PTPRM: variants seen among roughly 807,000 people sequenced by gnomAD.
The protein encoded by PTPRM is protein tyrosine phosphatase receptor type M.
PTPRM carries 47 observed loss-of-function variants against 186.7 expected under a neutral mutation model. That is an observed-to-expected ratio of 0.25 (90% CI 0.20 to 0.32). The LOEUF is 0.32. Ranked by LOEUF, PTPRM falls within the 10% of genes least tolerant of loss-of-function variation. PTPRM has a pLI of 1.00. For synonymous variants in PTPRM, 668 were observed against 674.9 expected, an observed-to-expected ratio of 0.99 and a Z score of 0.16; for missense variants, 1,494 against 1,865.0, an observed-to-expected ratio of 0.80 and a Z score of 3.66.
intron 2 of PTPRM, among the ~76,000 whole-genome samples, chr18:7,835,211 G>GTT (rs2045984780): frequency 6.8e-6 from 1 of 146,240 alleles, no homozygotes; most frequent in African/African-American, 2.5e-5. Flanking sequence ...TTTGTTGTAG[G>GTT]CACTTATAGC....
chr18:7,824,447 T>TG lies in PTPRM; in HGVS notation c.196+50176_196+50177insG, dbSNP rs530781546. ...TTTTCCTGTGTGTGTGTGTGTGTGT[T>TG]TTTTCCTCAGTAGCATTTTCTTTAT... On this transcript the variant is annotated intron_variant, in intron 2 of 32. Transcript: ENST00000580170. Among the ~76,000 whole-genome samples, 331 of 151,904 alleles carry TG rather than the reference T, an allele frequency of 2.2e-3. 2 individuals carry two copies. Among genetic ancestry groups the TG allele is most frequent in the Middle Eastern group, 0.01 (3 of 294 alleles).
At chr18:7,787,091 C>T (rs1376437013) in intron 2 of PTPRM, among the ~76,000 whole-genome samples, 1 of 152,210 alleles carries the variant, frequency 6.6e-6, no homozygotes, top group African/African-American at 2.4e-5. Flanking sequence ...AGAGGGCCCA[C>T]TTGATACAAT....
intron 20 of PTPRM, among the ~76,000 whole-genome samples, chr18:8,296,750 A>G (rs1001277472): frequency 1.3e-5 from 2 of 152,148 alleles, no homozygotes; most frequent in African/African-American, 4.8e-5. Flanking sequence ...TTATAGTCCT[A>G]ATGGTTCCCA....
intron 1 of PTPRM, among the ~76,000 whole-genome samples, chr18:7,678,097 T>C (rs963360214): frequency 6.6e-6 from 1 of 152,054 alleles, no homozygotes; most frequent in Non-Finnish European, 1.5e-5. Context: ...AAGGAAGGAC[T>C]TGACACTTAG....
intron 2 of PTPRM, among the ~76,000 whole-genome samples, chr18:7,795,011 C>T (rs2043544551): frequency 6.6e-6 from 1 of 152,166 alleles, no homozygotes; most frequent in Admixed American, 6.5e-5. Context: ...AAGCGAAGCT[C>T]ACATATATTT....
intron 32 of PTPRM, chr18:8,402,759 A>G (rs902326527): frequency 6.6e-6 from 1 of 152,214 alleles, no homozygotes; most frequent in African/African-American, 2.4e-5. Flanking sequence ...AAATAAAAGT[A>G]TCAAATCCTG....
intron 9 of PTPRM, among the ~76,000 whole-genome samples, chr18:8,081,392 G>GT (rs2090120307): frequency 6.6e-6 from 1 of 152,188 alleles, no homozygotes; most frequent in African/African-American, 2.4e-5. Context: ...CTGCAGCAAC[G>GT]TTTTTTACAG....
chr18:8,334,111 G>T (rs1376235865), intron 22 of PTPRM, among the ~76,000 whole-genome samples: 1 of 152,212 alleles, frequency 6.6e-6, no homozygotes, highest in Admixed American at 6.5e-5. Context: ...GAATGAATGA[G>T]ATCGTGCATA....
At chr18:7,660,981 G>GA (rs200628122) in intron 1 of PTPRM, among the ~76,000 whole-genome samples, 1,721 of 148,840 alleles carry the variant, frequency 0.012, 36 homozygotes, top group African/African-American at 0.04. Flanking sequence ...AAAAAAGAAA[G>GA]AAAAAAAAAG....
At chr18:7,964,593 G>A (rs975672996) in intron 7 of PTPRM, among the ~76,000 whole-genome samples, 3 of 152,112 alleles carry the variant, frequency 2.0e-5, no homozygotes, top group African/African-American at 4.8e-5. Context: ...TCCTAAGTAG[G>A]TTTACTATTA....
chr18:8,406,183 A>T lies in PTPRM; in HGVS notation c.*21A>T. The T allele has an allele frequency of 2.5e-6, 4 of 1,610,518 alleles. No homozygotes were observed. The highest frequency in any genetic ancestry group is 3.4e-6 in the Non-Finnish European group (4 of 1,177,072). ...GCTGATGGTGTAAACAGCTCTGCAA[A>T]CAATCCCTTTCATACCACAAAGCCA... On this transcript the variant is annotated 3_prime_UTR_variant, in exon 33 of 33. Transcript: ENST00000580170.
chr18:7,707,226 A>G (rs1048115806), intron 1 of PTPRM, among the ~76,000 whole-genome samples: 1 of 152,112 alleles, frequency 6.6e-6, no homozygotes, highest in Admixed American at 6.6e-5. Flanking sequence ...GAAGGGAGAA[A>G]AGTGTTTCAT....
intron 1 of PTPRM, among the ~76,000 whole-genome samples, chr18:7,750,845 A>G (rs1042542367): frequency 6.6e-6 from 1 of 152,162 alleles, no homozygotes; most frequent in South Asian, 2.1e-4. Flanking sequence ...AGAGTTGAGC[A>G]TCAAAGGCCA....
At chr18:7,715,045 A>G (rs750468236) in intron 1 of PTPRM, among the ~76,000 whole-genome samples, 90 of 152,326 alleles carry the variant, frequency 5.9e-4, no homozygotes, top group Non-Finnish European at 1.1e-3. Flanking sequence ...TCTGGCAGAG[A>G]CACAACCAAA....
At chr18:8,029,808 G>A (rs748267757) in intron 7 of PTPRM, among the ~76,000 whole-genome samples, 11 of 152,204 alleles carry the variant, frequency 7.2e-5, no homozygotes, top group Admixed American at 1.3e-4. Flanking sequence ...GCTAAATTGA[G>A]TGTTTTCCTC....
intron 11 of PTPRM, among the ~76,000 whole-genome samples, chr18:8,092,195 A>G (rs1416781400): frequency 6.6e-6 from 1 of 152,128 alleles, no homozygotes; most frequent in Non-Finnish European, 1.5e-5. Context: ...TTGAAATTGC[A>G]CTAAACTCTC....
intron 19 of PTPRM, among the ~76,000 whole-genome samples, chr18:8,285,211 C>T (rs2094943314): frequency 6.6e-6 from 1 of 152,178 alleles, no homozygotes; most frequent in Non-Finnish European, 1.5e-5. Context: ...ATACAGAAAG[C>T]AATCCTGTTA....
Position 7,848,959 on chromosome 18 carries a change from A to G in PTPRM, c.197-39147A>G, listed in dbSNP as rs904325906. ...CACTGAAAATGTGGTAAATTTTCATATAAACAAAATACTAGATATCTCTGA... is the reference window on the plus strand; with the variant it reads ...CACTGAAAATGTGGTAAATTTTCATGTAAACAAAATACTAGATATCTCTGA... On this transcript the variant is annotated intron_variant, in intron 2 of 32. Coordinates refer to ENST00000580170, the MANE Select transcript of PTPRM (RefSeq NM_001105244.2). Among the ~76,000 whole-genome samples the G allele has an allele frequency of 2.0e-5, 3 of 152,190 alleles. No individual in the cohort carries two copies. The East Asian group carries it at 5.8e-4, about 29-fold the overall frequency.
intron 1 of PTPRM, among the ~76,000 whole-genome samples, chr18:7,678,952 G>C (rs2039414378): frequency 6.6e-6 from 1 of 152,172 alleles, no homozygotes; most frequent in Admixed American, 6.5e-5. Context: ...TTTTTAAACA[G>C]TCATCACCAG....
Sources: gnomAD v4.1 joint callset for allele counts (sites outside exome capture counted in the v4.1 genomes callset) on GRCh38, gnomAD v4.1.1 for gene constraint, MANE v1.5 for transcripts, NCBI Gene and HGNC (gene_info 2026-07-23, HGNC 2026-07-21) for gene names.